The following CFAP20DC variants were observed in gnomAD, a reference collection of about 807,000 sequenced individuals.
The protein encoded by CFAP20DC is protein CFAP20DC.
In CFAP20DC, 84 loss-of-function variants were observed where a neutral mutation model predicts 101.7. That is an observed-to-expected ratio of 0.83 (90% confidence interval 0.69 to 0.99). The LOEUF is 0.99. Ranked by LOEUF, CFAP20DC falls within the 50% of genes least tolerant of loss-of-function variation. The pLI is 0.00. For missense variants in CFAP20DC, 1,007 were observed against 970.3 expected (o/e 1.04, Z -0.50); for synonymous variants, 359 against 351.2 (o/e 1.02, Z -0.25).
intron 6 of CFAP20DC, among the ~76,000 whole-genome samples, chr3:58,910,317 G>A (rs990331802): frequency 1.3e-5 from 2 of 152,168 alleles, no homozygotes; most frequent in Non-Finnish European, 2.9e-5. Context: ...TCTGAGAAAC[G>A]ATGTAAATAA....
chr3:58,884,745 A>C (rs2081482638), intron 6 of CFAP20DC, 36 bp from the exon 7 acceptor site: 1 of 1,561,794 alleles, frequency 6.4e-7, no homozygotes, highest in East Asian at 2.3e-5. Flanking sequence ...TTCAAAATGT[A>C]AGCCATTTCT....
Position 58,967,943 on chromosome 3 carries a change from T to A in CFAP20DC, c.279-30181A>T, listed in dbSNP as rs139800503. On this transcript the variant is annotated intron_variant, in intron 4 of 16. Transcript: ENST00000482387. ...GGTCTCATTATTTAGCTCCCACTTA[T>A]AAGTGAGAACATGCAGCATTTAGTT... Among the ~76,000 whole-genome samples the A allele has an allele frequency of 8.2e-3, 1,251 of 152,316 alleles. 12 individuals are homozygous for A. The highest frequency in any genetic ancestry group is 0.03 in the South Asian group (146 of 4,826).
intron 6 of CFAP20DC, among the ~76,000 whole-genome samples, chr3:58,900,162 C>T (rs1166427866): frequency 6.6e-6 from 1 of 152,168 alleles, no homozygotes; most frequent in East Asian, 1.9e-4. Context: ...ACTGTGAAGG[C>T]AGAAGGACTC....
Position 58,892,918 on chromosome 3 carries a change from G to C in CFAP20DC, c.551-8209C>G, listed in dbSNP as rs2106862696. Among the ~76,000 whole-genome samples, 1 of 152,274 alleles carries C rather than the reference G, an allele frequency of 6.6e-6. No individual in the cohort carries two copies. The highest frequency in any genetic ancestry group is 1.9e-4 in the East Asian group (1 of 5,184). ...ATTCTTGTCTTGTGCTGGTTTCCAA[G>C]GGGAATGCTTTCAGCTTTTGCCTGT... On this transcript the variant is annotated intron_variant, in intron 6 of 16. Coordinates refer to ENST00000482387, the MANE Select transcript of CFAP20DC (RefSeq NM_001394063.1). The surrounding 1 kb of genome is among the most constrained non-coding windows in gnomAD (Gnocchi z 4.0).
intron 15 of CFAP20DC, among the ~76,000 whole-genome samples, chr3:58,801,860 T>C (rs2073734190): frequency 2.0e-5 from 3 of 152,314 alleles, no homozygotes; most frequent in South Asian, 4.1e-4. Flanking sequence ...CAATCTGCAA[T>C]GACATTTTTA....
intron 5 of CFAP20DC, 140 bp downstream of exon 5, chr3:58,937,508 G>A: frequency 1.6e-6 from 1 of 627,936 alleles, no homozygotes; most frequent in Non-Finnish European, 2.8e-6. Flanking sequence ...TTTCAAGAGA[G>A]GGGAAGGAAG....
intron 4 of CFAP20DC, among the ~76,000 whole-genome samples, chr3:58,991,072 A>C (rs1376807636): frequency 6.6e-6 from 1 of 152,220 alleles, no homozygotes; most frequent in Non-Finnish European, 1.5e-5. Flanking sequence ...TGAATTTCCA[A>C]TATAAAGAAA....
intron 14 of CFAP20DC, among the ~76,000 whole-genome samples, chr3:58,820,673 G>C (rs1240619407): frequency 1.3e-5 from 2 of 151,374 alleles, no homozygotes; most frequent in East Asian, 3.9e-4. Flanking sequence ...AACATTCCAT[G>C]CTCATGGGTA....
At chr3:58,933,655 C>A (rs2087064863) in intron 5 of CFAP20DC, among the ~76,000 whole-genome samples, 1 of 152,060 alleles carries the variant, frequency 6.6e-6, no homozygotes, top group Non-Finnish European at 1.5e-5. Flanking sequence ...AACTGAACAA[C>A]CTGCTCCTGA....
At chr3:58,719,393 T>C (rs2067439218) in intron 3 of CFAP20DC, among the ~76,000 whole-genome samples, 1 of 152,200 alleles carries the variant, frequency 6.6e-6, no homozygotes, top group South Asian at 2.1e-4. Flanking sequence ...GGAATGTAAT[T>C]TGCACACCAG....
chr3:58,954,461 A>C (rs2090443617), intron 4 of CFAP20DC, among the ~76,000 whole-genome samples: 1 of 152,190 alleles, frequency 6.6e-6, no homozygotes, highest in East Asian at 1.9e-4. Flanking sequence ...CAAAATTAGG[A>C]TGCACATTTT....
chr3:58,760,801 T>G (rs1191861289), intron 15 of CFAP20DC, among the ~76,000 whole-genome samples: 1 of 152,182 alleles, frequency 6.6e-6, no homozygotes, highest in African/African-American at 2.4e-5. Flanking sequence ...ATCATGTGGT[T>G]TTTGTCATTG....
Position 59,039,432 on chromosome 3 carries a change from C to T in CFAP20DC, c.278+125G>A, listed in dbSNP as rs114824001. On this transcript the variant is annotated intron_variant, in intron 4 of 16. Transcript: ENST00000482387. The stretch of plus-strand genomic sequence containing the variant: ...AATTAGTTTAATTACTTGATGTTGA[C>T]TTGATGTAAGTCACTGCTCTTTAAT... 4.0e-3 allele frequency: 2,377 copies of T among 599,354 alleles called. 43 individuals are homozygous for T. The African/African-American group carries it at 0.041, about 10-fold the overall frequency. The allele number at this position is 599,354 out of a possible 1,614,324, so 37.1% of individuals were successfully genotyped here.
At chr3:58,789,408 T>C (rs540047327) in intron 15 of CFAP20DC, among the ~76,000 whole-genome samples, 1 of 152,312 alleles carries the variant, frequency 6.6e-6, no homozygotes, top group East Asian at 1.9e-4. Context: ...ATCATTTTCA[T>C]TATTGTGTCA....
chr3:59,043,427 C>T (rs946499847), intron 3 of CFAP20DC, among the ~76,000 whole-genome samples: 3 of 151,820 alleles, frequency 2.0e-5, no homozygotes, highest in Non-Finnish European at 2.9e-5. Context: ...AACTGTCCAC[C>T]GGATTCAGGA....
chr3:58,779,322 A>T (rs1361240982), intron 15 of CFAP20DC, among the ~76,000 whole-genome samples: 1 of 152,200 alleles, frequency 6.6e-6, no homozygotes, highest in Non-Finnish European at 1.5e-5. Context: ...GATGGAAAAG[A>T]ATATTCCATG....
chr3:58,867,987 C>T (rs1471676995), intron 9 of CFAP20DC, 51 bp from the exon 10 acceptor site: 3 of 1,513,666 alleles, frequency 2.0e-6, no homozygotes, highest in Non-Finnish European at 1.8e-6. Flanking sequence ...TGCTATATGG[C>T]TTGAAGTAAC....
chr3:59,013,584 T>G (rs1329212148), intron 4 of CFAP20DC, among the ~76,000 whole-genome samples: 1 of 152,138 alleles, frequency 6.6e-6, no homozygotes, highest in Non-Finnish European at 1.5e-5. Context: ...TCAATACCAG[T>G]GAATGTATGC....
chr3:58,922,259 C>T (rs1473778608), intron 5 of CFAP20DC, among the ~76,000 whole-genome samples: 1 of 152,172 alleles, frequency 6.6e-6, no homozygotes, highest in Non-Finnish European at 1.5e-5. Flanking sequence ...TTTGTCCCAT[C>T]TGTTCTTTGT....
Sources: gnomAD v4.1 joint callset for allele counts (sites outside exome capture counted in the v4.1 genomes callset) on GRCh38, gnomAD v4.1.1 for gene constraint, Gnocchi (gnomAD v3.1) non-coding constraint, MANE v1.5 for transcripts, NCBI Gene and HGNC (gene_info 2026-07-23, HGNC 2026-07-21) for gene names.